TMCO5A: variants seen among roughly 807,000 people sequenced by gnomAD.
The protein encoded by TMCO5A is transmembrane and coiled-coil domains 5A, also known as transmembrane and coiled-coil domain-containing protein 5A.
In TMCO5A, 34 loss-of-function variants were observed where a neutral mutation model predicts 42.3. That is an observed-to-expected ratio of 0.80 (90% confidence interval 0.61 to 1.07). The LOEUF is 1.07. Ranked by LOEUF, TMCO5A falls within the 50% of genes least tolerant of loss-of-function variation. The probability of loss-of-function intolerance (pLI) is 0.00; values close to 1 mark genes in which losing one functional copy is unlikely to be tolerated. For missense variants in TMCO5A, 357 were observed against 327.9 expected (o/e 1.09, Z -0.69); for synonymous variants, 131 against 115.6 (o/e 1.13, Z -0.86).
the TMCO5A span, among the ~76,000 whole-genome samples, chr15:37,987,645 T>C: frequency 2.0e-5 from 3 of 152,006 alleles, no homozygotes; most frequent in Non-Finnish European, 4.4e-5. Flanking sequence ...TGAATTGTCT[T>C]GGCACACTTA....
chr15:38,020,965 C>T, the TMCO5A span, among the ~76,000 whole-genome samples: 5 of 151,896 alleles, frequency 3.3e-5, no homozygotes, highest in African/African-American at 1.2e-4. Context: ...ATGTTGTTTA[C>T]TAGATTAAAA....
the TMCO5A span, among the ~76,000 whole-genome samples, chr15:37,990,679 AC>A: frequency 2.6e-5 from 4 of 151,872 alleles, no homozygotes; most frequent in Non-Finnish European, 5.9e-5. Flanking sequence ...TTTTCTATAT[AC>A]CTTTTATCTT....
the TMCO5A span, chr15:37,993,594 A>AT: frequency 1.3e-5 from 2 of 152,082 alleles, no homozygotes; most frequent in Non-Finnish European, 2.9e-5. Flanking sequence ...GGGATAGGAG[A>AT]TTGGGGGTAG....
chr15:37,994,367 T>C, the TMCO5A span, among the ~76,000 whole-genome samples: 1 of 152,286 alleles, frequency 6.6e-6, no homozygotes, highest in East Asian at 1.9e-4. Context: ...TTCCAGTGGC[T>C]AGTAGGAAAC....
chr15:38,005,388 T>C, the TMCO5A span, among the ~76,000 whole-genome samples: 1 of 109,412 alleles, frequency 9.1e-6, no homozygotes, highest in Non-Finnish European at 1.7e-5. Flanking sequence ...CAAGACCCCA[T>C]CTCTACCAAA....
chr15:38,009,745 T>A, the TMCO5A span, among the ~76,000 whole-genome samples: 6 of 152,334 alleles, frequency 3.9e-5, no homozygotes, highest in African/African-American at 1.4e-4. Context: ...CTGTGTGACC[T>A]GAGTCAAGTC....
chr15:37,956,925 G>T (rs1463927152), intron 11 of TMCO5A, among the ~76,000 whole-genome samples: 2 of 152,142 alleles, frequency 1.3e-5, no homozygotes, highest in African/African-American at 4.8e-5. Context: ...GGGATGCAAG[G>T]CTGGTTCAAC....
chr15:38,005,892 C>T, the TMCO5A span, among the ~76,000 whole-genome samples: 30 of 152,046 alleles, frequency 2.0e-4, no homozygotes, highest in African/African-American at 6.8e-4. Context: ...GGATGAAGAC[C>T]GAAGGAACTG....
the TMCO5A span, among the ~76,000 whole-genome samples, chr15:38,002,232 T>G: frequency 6.6e-6 from 1 of 151,512 alleles, no homozygotes; most frequent in Admixed American, 6.6e-5. Context: ...CTTCTGCATG[T>G]TACTTATTTC....
the TMCO5A span, among the ~76,000 whole-genome samples, chr15:38,019,785 T>TC: frequency 6.6e-6 from 1 of 151,630 alleles, no homozygotes; most frequent in Non-Finnish European, 1.5e-5. Context: ...TTTTTTTTTT[T>TC]TTTAATTTCA....
At chr15:37,970,998 G>A (rs1302775542), downstream of TMCO5A, among the ~76,000 whole-genome samples, 6 of 152,314 alleles carry the variant, frequency 3.9e-5, no homozygotes, top group East Asian at 1.2e-3. Flanking sequence ...ACCATTCTGG[G>A]ATCTGGAGGA....
chr15:38,011,959 C>T, the TMCO5A span, among the ~76,000 whole-genome samples: 1 of 151,990 alleles, frequency 6.6e-6, no homozygotes, highest in African/African-American at 2.4e-5. Context: ...CCCATCTCTA[C>T]TGAAAATACA....
chr15:38,026,697 G>A, the TMCO5A span, among the ~76,000 whole-genome samples: 1 of 152,220 alleles, frequency 6.6e-6, no homozygotes, highest in African/African-American at 2.4e-5. Flanking sequence ...AACAGCCCCT[G>A]CCATCACAGG....
At chr15:37,938,895 G>T (rs182446638) in intron 6 of TMCO5A, among the ~76,000 whole-genome samples, 314 of 152,068 alleles carry the variant, frequency 2.1e-3, no homozygotes, top group Middle Eastern at 6.8e-3. Context: ...TATCTGATGA[G>T]AGAGAGAGAG....
At chr15:38,006,117 T>C in the TMCO5A span, among the ~76,000 whole-genome samples, 1 of 152,130 alleles carries the variant, frequency 6.6e-6, no homozygotes, top group Non-Finnish European at 1.5e-5. Context: ...ACAGTTCCCC[T>C]AGAAACAAGA....
At chr15:38,014,424 G>T in the TMCO5A span, among the ~76,000 whole-genome samples, 1 of 151,958 alleles carries the variant, frequency 6.6e-6, no homozygotes, top group Admixed American at 6.6e-5. Flanking sequence ...AGAAAATTTT[G>T]TTTCCTCAAC....
At chr15:38,004,830 C>T in the TMCO5A span, 2 of 152,128 alleles carry the variant, frequency 1.3e-5, no homozygotes, top group South Asian at 4.2e-4. Flanking sequence ...AAGTTAAAAC[C>T]AGGTATTGTG....
the TMCO5A span, among the ~76,000 whole-genome samples, chr15:37,997,088 G>A: frequency 1.3e-5 from 2 of 151,494 alleles, no homozygotes; most frequent in Admixed American, 1.3e-4. Flanking sequence ...TGGCATGTAG[G>A]ATAACTAAAT....
chr15:37,941,309 T>TC (rs1889731198), intron 7 of TMCO5A, 104 bp downstream of exon 7: 4 of 1,186,328 alleles, frequency 3.4e-6, no homozygotes, highest in Non-Finnish European at 4.9e-6. Flanking sequence ...AGGTTCCAGA[T>TC]CCAAGACCAT....
Sources: allele counts gnomAD v4.1 joint callset (sites outside exome capture counted in the v4.1 genomes callset), GRCh38; gene constraint gnomAD v4.1.1; transcripts MANE v1.5; gene names NCBI Gene and HGNC (gene_info 2026-07-23, HGNC 2026-07-21).